Variants in ANKFN1 observed in about 807,000 individuals in gnomAD.
ANKFN1 encodes the protein ankyrin repeat and fibronectin type-III domain-containing protein 1.
Under a neutral mutation model 108.7 loss-of-function variants are expected in ANKFN1, and 74 were observed. The observed-to-expected ratio is 0.68, with a 90% CI of 0.56 to 0.83. The LOEUF is 0.83. Ranked by LOEUF, ANKFN1 falls within the 40% of genes least tolerant of loss-of-function variation. The pLI is 0.00. For missense variants in ANKFN1, 1,505 were observed against 1,382.3 expected, an observed-to-expected ratio of 1.09 and a Z score of -1.41; for synonymous variants, 547 against 516.2, an observed-to-expected ratio of 1.06 and a Z score of -0.81.
At chr17:56,320,878 A>T (rs2045346255) in intron 3 of ANKFN1, among the ~76,000 whole-genome samples, 1 of 152,136 alleles carries the variant, frequency 6.6e-6, no homozygotes, top group African/African-American at 2.4e-5. Context: ...AATATGGGCC[A>T]TCTCTTTTCG....
chr17:56,407,921 T>C (rs2047968847), intron 8 of ANKFN1, among the ~76,000 whole-genome samples: 1 of 142,854 alleles, frequency 7.0e-6, no homozygotes. Flanking sequence ...ATATTTAAAA[T>C]CTTTTTTATC....
At chr17:56,442,191 T>A (rs1024745828) in intron 9 of ANKFN1, among the ~76,000 whole-genome samples, 1 of 152,188 alleles carries the variant, frequency 6.6e-6, no homozygotes, top group Non-Finnish European at 1.5e-5. Flanking sequence ...TTAATTTTTT[T>A]AAATGTGTAT....
intron 4 of ANKFN1, among the ~76,000 whole-genome samples, chr17:56,133,021 A>C (rs1356418422): frequency 6.6e-6 from 1 of 152,214 alleles, no homozygotes; most frequent in East Asian, 1.9e-4. Flanking sequence ...AGTGCCAAAC[A>C]CAAAACAGGG....
In ANKFN1 at chr17:56,177,741, T is replaced by C. The variant is rs184854611; in HGVS notation, c.-71+24211T>C. Among the ~76,000 whole-genome samples the C allele has an allele frequency of 3.9e-5, 6 of 152,348 alleles. No homozygotes were observed. In the East Asian group the frequency reaches 1.2e-3, roughly 29 times the overall value. On this transcript the variant is annotated intron_variant, in intron 1 of 20. Transcript: ENST00000682825. ...TGTGAAAATATTATTTTCTATGATA[T>C]TGGTATTTTAACTGCCTAAGCTCCT...
intron 18 of ANKFN1, among the ~76,000 whole-genome samples, chr17:56,484,661 A>G (rs1421302509): frequency 3.3e-5 from 5 of 152,252 alleles, no homozygotes; most frequent in Non-Finnish European, 7.3e-5. Flanking sequence ...GATACTAAAC[A>G]CAGAGATCTG....
chr17:56,075,608 T>C (rs1905172634), intron 4 of ANKFN1, among the ~76,000 whole-genome samples: 1 of 152,068 alleles, frequency 6.6e-6, no homozygotes, highest in African/African-American at 2.4e-5. Flanking sequence ...CAATGTTCAT[T>C]ACATAATTGG....
At chr17:56,166,620 C>T (rs1268493090) in intron 1 of ANKFN1, among the ~76,000 whole-genome samples, 8 of 152,070 alleles carry the variant, frequency 5.3e-5, no homozygotes, top group Non-Finnish European at 4.4e-5. Flanking sequence ...GCATTTTGAA[C>T]ATTTTAGGCC....
intron 4 of ANKFN1, among the ~76,000 whole-genome samples, chr17:56,126,050 T>A (rs1906909580): frequency 6.6e-6 from 1 of 152,168 alleles, no homozygotes; most frequent in Non-Finnish European, 1.5e-5. Context: ...GCTGCTGTTG[T>A]GTGGGGAACG....
chr17:56,197,564 C>A (rs186423551), intron 1 of ANKFN1, among the ~76,000 whole-genome samples: 2 of 152,304 alleles, frequency 1.3e-5, no homozygotes, highest in Admixed American at 1.3e-4. Flanking sequence ...GCATTTTCCT[C>A]ACTGCTAAAC....
At chr17:56,181,820 A>G (rs947087351) in intron 1 of ANKFN1, among the ~76,000 whole-genome samples, 1 of 152,174 alleles carries the variant, frequency 6.6e-6, no homozygotes, top group African/African-American at 2.4e-5. Context: ...TTTTTTACAA[A>G]TTGAAGGTTT....
intron 1 of ANKFN1, among the ~76,000 whole-genome samples, chr17:56,182,316 A>G (rs528070593): frequency 1.3e-5 from 2 of 152,218 alleles, no homozygotes; most frequent in Non-Finnish European, 2.9e-5. Flanking sequence ...CAGTAAGCCA[A>G]GTTGTAAATT....
intron 3 of ANKFN1, among the ~76,000 whole-genome samples, chr17:56,249,946 C>T (rs1258172742): frequency 6.6e-6 from 1 of 152,034 alleles, no homozygotes; most frequent in Admixed American, 6.6e-5. Flanking sequence ...GCATTATTTC[C>T]AAGGAAAAAA....
chr17:56,054,807 G>A (rs1454219957), intron 4 of ANKFN1, among the ~76,000 whole-genome samples: 1 of 152,172 alleles, frequency 6.6e-6, no homozygotes, highest in East Asian at 1.9e-4. Context: ...GATCACTTGA[G>A]CCTGGGAGGT....
chr17:56,074,062 G>A (rs187424901), intron 4 of ANKFN1, among the ~76,000 whole-genome samples: 19 of 152,278 alleles, frequency 1.2e-4, no homozygotes, highest in Admixed American at 5.9e-4. Context: ...CCCTTTTTGA[G>A]GAACTGTCAA....
Position 56,227,902 on chromosome 17 carries a change from C to A in ANKFN1, c.13-15C>A. On this transcript the variant is annotated splice_polypyrimidine_tract_variant and intron_variant, in intron 2 of 20. Coordinates refer to ENST00000682825, the MANE Select transcript of ANKFN1 (RefSeq NM_001370326.1). Reference sequence around the variant, plus strand: ...TACAATTTTTTAACATTCTTTTTTTCTTTCTTTGTTTCAGAGGCTACTCTT... The same window carrying A: ...TACAATTTTTTAACATTCTTTTTTTATTTCTTTGTTTCAGAGGCTACTCTT... 1 of 1,572,758 alleles carries A rather than the reference C, an allele frequency of 6.4e-7. No individual in the cohort carries two copies. The highest frequency in any genetic ancestry group is 1.8e-5 in the Admixed American group (1 of 54,546).
At chr17:56,290,900 G>A (rs2044345597) in intron 3 of ANKFN1, among the ~76,000 whole-genome samples, 1 of 152,184 alleles carries the variant, frequency 6.6e-6, no homozygotes, top group African/African-American at 2.4e-5. Context: ...ATGAAGACAA[G>A]CTTTCATGAG....
rs139851030 is a variant in ANKFN1, at chr17:56,237,546, T to G, written c.53+9589T>G. On this transcript the variant is annotated intron_variant, in intron 3 of 20. Transcript: ENST00000682825. Reference sequence around the variant, plus strand: ...ATGTCAGGAATTTATCCATCTCTTCTAGGTTTTCTAGTTTCTGTGCATACA... The same window carrying G: ...ATGTCAGGAATTTATCCATCTCTTCGAGGTTTTCTAGTTTCTGTGCATACA... Among the ~76,000 whole-genome samples the G allele has an allele frequency of 1.8e-3, 273 of 152,298 alleles. 1 individual carries two copies. The highest frequency in any genetic ancestry group is 6.2e-3 in the African/African-American group (258 of 41,572).
chr17:56,294,548 G>A (rs1377870072), intron 3 of ANKFN1, among the ~76,000 whole-genome samples: 1 of 152,184 alleles, frequency 6.6e-6, no homozygotes, highest in Non-Finnish European at 1.5e-5. Context: ...AGGGAGTAGA[G>A]GTTTGAGAAT....
At chr17:56,500,337 G>A (rs1334851062) in intron 20 of ANKFN1, among the ~76,000 whole-genome samples, 1 of 152,164 alleles carries the variant, frequency 6.6e-6, no homozygotes, top group South Asian at 2.1e-4. Context: ...AACTTGGCAA[G>A]TGGAAGAACT....
Sources: allele counts gnomAD v4.1 joint callset (sites outside exome capture counted in the v4.1 genomes callset), GRCh38; gene constraint gnomAD v4.1.1; transcripts MANE v1.5; gene names NCBI Gene and HGNC (gene_info 2026-07-23, HGNC 2026-07-21).